The following CD96 variants were observed in gnomAD, a reference collection of about 807,000 sequenced individuals.
The protein encoded by CD96 is CD96 molecule, also known as T-cell surface protein tactile.
Under a neutral mutation model 71.3 loss-of-function variants are expected in CD96, and 70 were observed. The observed-to-expected ratio is 0.98, with a 90% confidence interval of 0.81 to 1.20. The LOEUF (loss-of-function observed/expected upper bound fraction) is 1.20, where lower values mean the gene tolerates loss of function less well. Among genes scored for constraint, CD96 ranks in the 50% most tolerant of loss-of-function variants. CD96 has a pLI of 0.00. For synonymous variants in CD96, 248 were observed against 233.0 expected (o/e 1.06, Z -0.59); for missense variants, 742 against 677.5 (o/e 1.10, Z -1.06).
chr3:111,654,158 A>G (rs1940173127), downstream of CD96, among the ~76,000 whole-genome samples: 1 of 152,342 alleles, frequency 6.6e-6, no homozygotes, highest in Non-Finnish European at 1.5e-5. Context: ...GCTGAAATGC[A>G]TAGCCTAACC....
chr3:111,604,380 G>A (rs1190695142), intron 7 of CD96, among the ~76,000 whole-genome samples: 4 of 152,140 alleles, frequency 2.6e-5, no homozygotes, highest in Admixed American at 2.6e-4. Context: ...CTGCATTTGG[G>A]TTTTGGGAAA....
chr3:111,570,136 G>A (rs1241161619), intron 3 of CD96, among the ~76,000 whole-genome samples: 1 of 152,150 alleles, frequency 6.6e-6, no homozygotes, highest in Admixed American at 6.5e-5. Context: ...CTTGGGTTGG[G>A]GAATCCCCTC....
At chr3:111,612,003 A>T (rs899916618) in intron 8 of CD96, among the ~76,000 whole-genome samples, 3 of 152,162 alleles carry the variant, frequency 2.0e-5, no homozygotes, top group Admixed American at 1.3e-4. Flanking sequence ...ATGTGTTTAG[A>T]TGTAGTTGAA....
chr3:111,547,320 C>T (rs918703746), intron 2 of CD96, among the ~76,000 whole-genome samples: 6 of 152,176 alleles, frequency 3.9e-5, no homozygotes, highest in East Asian at 3.9e-4. Context: ...ATGAGCCCTG[C>T]TCCTTCTTTT....
intron 8 of CD96, among the ~76,000 whole-genome samples, chr3:111,615,532 C>A (rs891255761): frequency 6.6e-6 from 1 of 152,114 alleles, no homozygotes; most frequent in African/African-American, 2.4e-5. Flanking sequence ...ACAGTAAGAA[C>A]CCAAGGTAGG....
chr3:111,566,263 A>C (rs534843341), intron 2 of CD96, among the ~76,000 whole-genome samples: 137 of 152,088 alleles, frequency 9.0e-4, no homozygotes, highest in African/African-American at 3.3e-3. Flanking sequence ...AATTTATCTT[A>C]AGTAGCTGAA....
chr3:111,571,722 C>T lies in CD96; in HGVS notation c.543+4075C>T, dbSNP rs562689842. 1.1e-3 allele frequency among the ~76,000 whole-genome samples: 166 copies of T among 152,298 alleles called. 2 individuals carry two copies. Among genetic ancestry groups the T allele is most frequent in the Non-Finnish European group, 1.9e-3 (130 of 68,018 alleles). Reference sequence around the variant, plus strand: ...TGTTGGCAAATGTGCTGATTAAAATCCTATGGTACATTTCCTTTCAAAATG... The same window carrying T: ...TGTTGGCAAATGTGCTGATTAAAATTCTATGGTACATTTCCTTTCAAAATG... On this transcript the variant is annotated intron_variant, in intron 3 of 13. Coordinates refer to ENST00000352690, the MANE Select transcript of CD96 (RefSeq NM_005816.5).
chr3:111,543,983 C>T (rs112592305), intron 1 of CD96, among the ~76,000 whole-genome samples: 4 of 152,278 alleles, frequency 2.6e-5, no homozygotes, highest in African/African-American at 9.6e-5. Flanking sequence ...CTGCTGTGGG[C>T]CTGGATGCCT....
chr3:111,605,559 T>C (rs1937598987), intron 7 of CD96, among the ~76,000 whole-genome samples: 2 of 152,236 alleles, frequency 1.3e-5, no homozygotes, highest in South Asian at 4.1e-4. Flanking sequence ...ATGGTCATTT[T>C]GTTAACCTAT....
rs1417829580 is a variant in CD96, at chr3:111,664,185, T to C, written c.*53-1342T>C. Among the ~76,000 whole-genome samples the C allele has an allele frequency of 3.1e-4, 20 of 63,516 alleles. No individual in the cohort carries two copies. In the Admixed American group the frequency reaches 3.6e-3, roughly 11 times the overall value. The allele number at this position is 63,516 out of a possible 152,430, so 41.7% of individuals were successfully genotyped here. On this transcript the variant is annotated intron_variant and NMD_transcript_variant, in intron 14 of 14. Transcript: ENST00000494798. The stretch of plus-strand genomic sequence containing the variant: ...GGTGTATACCCAAAGGAAAATAAAT[T>C]ATACTACCAAAAAGACGTGCAAATG...
At chr3:111,618,788 G>A (rs190367943) in intron 8 of CD96, among the ~76,000 whole-genome samples, 65 of 151,714 alleles carry the variant, frequency 4.3e-4, no homozygotes, top group Middle Eastern at 3.4e-3. Flanking sequence ...AGCCAGGATG[G>A]TCTCAATCTC....
chr3:111,555,803 A>C (rs1415816473), intron 2 of CD96, among the ~76,000 whole-genome samples: 1 of 152,302 alleles, frequency 6.6e-6, no homozygotes, highest in Non-Finnish European at 1.5e-5. Flanking sequence ...AAGTTTTTAA[A>C]TAATCAAATA....
Position 111,579,086 on chromosome 3 carries a change from A to T in CD96, c.603A>T (p.Thr201=). 1 of 1,608,878 alleles carries T rather than the reference A, an allele frequency of 6.2e-7. No individual in the cohort carries two copies. The highest frequency in any genetic ancestry group is 8.5e-7 in the Non-Finnish European group (1 of 1,175,166). ...ISQNHLISNS[T]LLKDRVKLGT... ...AAAATCACCTCATCAGCAATTCCAC[A>T]TTACTTAAAGATAGAGTCAAGCTTG... The change falls in exon 4 of 14, where the codon ACA becomes ACT. Residue 201 remains threonine, a synonymous_variant. Coordinates refer to ENST00000352690, the MANE Select transcript of CD96 (RefSeq NM_005816.5).
In CD96 at chr3:111,649,838, T is replaced by A. The variant is rs775882842; in HGVS notation, c.*32T>A. ...GAGACTTTGCCCCATGGCAGAACTCTGCTGGAATCCTATTGAGAAGGTAGA... is the reference window on the plus strand; with the variant it reads ...GAGACTTTGCCCCATGGCAGAACTCAGCTGGAATCCTATTGAGAAGGTAGA... On this transcript the variant is annotated 3_prime_UTR_variant, in exon 14 of 14. Transcript: ENST00000352690. The A allele has an allele frequency of 5.4e-6, 7 of 1,295,254 alleles. No homozygotes were observed. The highest frequency in any genetic ancestry group is 7.9e-6 in the Non-Finnish European group (7 of 889,102). The allele number at this position is 1,295,254 out of a possible 1,614,324, so 80.2% of individuals were successfully genotyped here. A position where few individuals can be genotyped will look rare whatever the true frequency, so the allele number is the denominator to read the frequency against.
At chr3:111,570,872 C>A in intron 3 of CD96, 1 of 1,607,660 alleles carries the variant, frequency 6.2e-7, no homozygotes, top group Non-Finnish European at 8.5e-7. Flanking sequence ...ACCGCTCTTC[C>A]AAGGTGGGCA....
At chr3:111,641,461 T>C (rs185243561) in intron 12 of CD96, among the ~76,000 whole-genome samples, 2 of 152,308 alleles carry the variant, frequency 1.3e-5, no homozygotes, top group East Asian at 3.9e-4. Context: ...ATTCTAAACA[T>C]ACATCCACCT....
chr3:111,594,043 C>T (rs753061417), intron 5 of CD96: 7 of 1,614,168 alleles, frequency 4.3e-6, no homozygotes, highest in East Asian at 2.2e-5. Flanking sequence ...CCTCAGAGAA[C>T]CGGGTGCCCT....
intron 5 of CD96, among the ~76,000 whole-genome samples, chr3:111,587,247 G>T (rs984022594): frequency 2.0e-5 from 3 of 152,224 alleles, no homozygotes; most frequent in African/African-American, 7.2e-5. Context: ...GCTTTGCAGG[G>T]TATAACTCCC....
rs80019801 is a variant in CD96, at chr3:111,564,150, C to G, written c.419-3373C>G. Among the ~76,000 whole-genome samples the G allele has an allele frequency of 6.0e-3, 914 of 152,064 alleles. 11 individuals carry two copies. The highest frequency in any genetic ancestry group is 0.019 in the African/African-American group (793 of 41,514). The stretch of plus-strand genomic sequence containing the variant: ...CTATTTTCCTATTTTGCAGTATAAT[C>G]GTTTAATGTGCAGTTTCTAGTCATT... On this transcript the variant is annotated intron_variant, in intron 2 of 13. Transcript: ENST00000352690.
Sources: gnomAD v4.1 joint callset for allele counts (sites outside exome capture counted in the v4.1 genomes callset) on GRCh38, gnomAD v4.1.1 for gene constraint, MANE v1.5 for transcripts, NCBI Gene and HGNC (gene_info 2026-07-23, HGNC 2026-07-21) for gene names.